XKR3: variants seen among roughly 807,000 people sequenced by gnomAD.
XKR3 encodes the protein XK related 3.
XKR3 carries 27 observed loss-of-function variants against 40.3 expected under a neutral mutation model. The ratio of observed to expected loss-of-function variants is 0.67; its 90% CI spans 0.49 to 0.92. The LOEUF is 0.92. Ranked by LOEUF, XKR3 falls within the 40% of genes least tolerant of loss-of-function variation. The pLI, the probability that XKR3 is intolerant of heterozygous loss-of-function variation, is 0.00. For synonymous variants in XKR3, 193 were observed against 195.4 expected (o/e 0.99, Z 0.10); for missense variants, 472 against 537.6 (o/e 0.88, Z 1.21).
chr22:16,791,735 AAGAG>A (rs2060117206), intron 3 of XKR3, among the ~76,000 whole-genome samples: 1 of 116,850 alleles, frequency 8.6e-6, no homozygotes, highest in Non-Finnish European at 1.7e-5. Flanking sequence ...GAGAGGGAGA[AAGAG>A]GGAGAGAGAG....
intron 2 of XKR3, among the ~76,000 whole-genome samples, chr22:16,804,626 G>C (rs2060182365): frequency 6.6e-6 from 1 of 151,996 alleles, no homozygotes; most frequent in Admixed American, 6.6e-5. Context: ...GACTTCAAAA[G>C]AACCTTGGTC....
At position 16,784,344 on chromosome 22, in the gene XKR3, T is replaced by C; in HGVS notation, c.655A>G (p.Ile219Val). 1 of 1,614,038 alleles carries C rather than the reference T, an allele frequency of 6.2e-7. No individual in the cohort carries two copies. The change falls in exon 4 of 4, where the codon ATC (isoleucine) becomes GTC (valine). Residue 219 changes from isoleucine to valine, a missense_variant. By Grantham distance (29) the Ile-to-Val change is conservative. Coordinates refer to ENST00000684488, the MANE Select transcript of XKR3 (RefSeq NM_001386955.1). Reference sequence around the variant, plus strand: ...GTAGTATCATCATTGCTGATCTGGATGGCCAGTATATTGCAGCGAATGGCC... The same window carrying C: ...GTAGTATCATCATTGCTGATCTGGACGGCCAGTATATTGCAGCGAATGGCC... ...YGAIRCNILA[I>V]QISNDDTTIK...
intron 1 of XKR3, among the ~76,000 whole-genome samples, chr22:16,819,078 A>T (rs187794570): frequency 1.3e-5 from 2 of 150,970 alleles, no homozygotes; most frequent in African/African-American, 2.4e-5. Flanking sequence ...GATATACATT[A>T]AAAAAAAACA....
intron 1 of XKR3, 125 bp from the exon 2 acceptor site, chr22:16,808,208 C>A: frequency 4.6e-6 from 3 of 651,702 alleles, no homozygotes; most frequent in Non-Finnish European, 7.5e-6. Context: ...ATATGGATCA[C>A]TAATCAGAAT....
chr22:16,820,595 G>A lies in XKR3; in HGVS notation c.-11+4696C>T, dbSNP rs2060251250. On this transcript the variant is annotated intron_variant, in intron 1 of 3. Transcript: ENST00000684488. ...TTATTAATTCACTGACTCTGTGAAG[G>A]CATGAAGGCCTGACACTTCCTAGTA... Among the ~76,000 whole-genome samples the A allele has an allele frequency of 5.9e-5, 9 of 151,586 alleles. No individual in the cohort carries two copies. The South Asian group carries it at 1.9e-3, about 32-fold the overall frequency.
intron 2 of XKR3, among the ~76,000 whole-genome samples, chr22:16,805,604 GAAATGC>G (rs1375751907): frequency 6.6e-6 from 1 of 152,038 alleles, no homozygotes; most frequent in Non-Finnish European, 1.5e-5. Context: ...GATCAGTTGG[GAAATGC>G]AAAGGACTCC....
chr22:16,820,159 G>A (rs2060249732), intron 1 of XKR3, among the ~76,000 whole-genome samples: 1 of 152,134 alleles, frequency 6.6e-6, no homozygotes, highest in South Asian at 2.1e-4. Context: ...ACTCAGTGCA[G>A]TTATCCTACA....
intron 2 of XKR3, among the ~76,000 whole-genome samples, chr22:16,804,948 C>T (rs1601846344): frequency 3.9e-5 from 6 of 152,160 alleles, no homozygotes; most frequent in Admixed American, 3.9e-4. Flanking sequence ...CAGAATAAAT[C>T]CCTTCAAAAT....
At chr22:16,811,003 C>G (rs2060210047) in intron 1 of XKR3, among the ~76,000 whole-genome samples, 1 of 152,068 alleles carries the variant, frequency 6.6e-6, no homozygotes, top group African/African-American at 2.4e-5. Context: ...CTACTAAAGC[C>G]AAAATGTAAG....
intron 1 of XKR3, among the ~76,000 whole-genome samples, chr22:16,811,348 A>G (rs1296157171): frequency 6.6e-6 from 1 of 151,524 alleles, no homozygotes; most frequent in Non-Finnish European, 1.5e-5. Flanking sequence ...CTGGTCTCGA[A>G]CTCCTGAGCT....
At chr22:16,799,518 T>C (rs1282878721) in intron 3 of XKR3, among the ~76,000 whole-genome samples, 1 of 151,428 alleles carries the variant, frequency 6.6e-6, no homozygotes, top group Non-Finnish European at 1.5e-5. Flanking sequence ...CTAAATATTA[T>C]ATCAAGCTTA....
chr22:16,785,031 T>C (rs2060083767), intron 3 of XKR3, among the ~76,000 whole-genome samples: 1 of 152,112 alleles, frequency 6.6e-6, no homozygotes, highest in Non-Finnish European at 1.5e-5. Context: ...TTAAGAAGTA[T>C]GTGTGGCCGG....
chr22:16,795,614 T>G (rs2060137190), intron 3 of XKR3, among the ~76,000 whole-genome samples: 1 of 152,022 alleles, frequency 6.6e-6, no homozygotes, highest in African/African-American at 2.4e-5. Context: ...AACCAAGAGT[T>G]GGCCTTTGAA....
chr22:16,787,039 G>A (rs1281017342), intron 3 of XKR3, among the ~76,000 whole-genome samples: 4 of 152,050 alleles, frequency 2.6e-5, no homozygotes, highest in East Asian at 1.9e-4. Flanking sequence ...GAGAACCTTA[G>A]CAAGGAGATT....
chr22:16,791,748 A>AGG (rs2060117606), intron 3 of XKR3, among the ~76,000 whole-genome samples: 7 of 131,870 alleles, frequency 5.3e-5, no homozygotes, highest in Non-Finnish European at 9.4e-5. Context: ...AGGGAGAGAG[A>AGG]GGGAGAGAGA....
At chr22:16,811,744 C>G (rs184016399) in intron 1 of XKR3, among the ~76,000 whole-genome samples, 36 of 152,250 alleles carry the variant, frequency 2.4e-4, no homozygotes, top group African/African-American at 8.7e-4. Context: ...CACGGTGGCT[C>G]ACGCCTGAAA....
chr22:16,786,186 G>C (rs1175814956), intron 3 of XKR3, among the ~76,000 whole-genome samples: 1 of 151,798 alleles, frequency 6.6e-6, no homozygotes, highest in Admixed American at 6.6e-5. Flanking sequence ...GAGGTGAATG[G>C]ATCACTAGAG....
At chr22:16,787,784 G>A (rs1601838953) in intron 3 of XKR3, among the ~76,000 whole-genome samples, 1 of 151,088 alleles carries the variant, frequency 6.6e-6, no homozygotes, top group Non-Finnish European at 1.5e-5. Flanking sequence ...AATTAAGCAG[G>A]ATAAAAAAGA....
At chr22:16,791,782 AG>A (rs2060118640) in intron 3 of XKR3, among the ~76,000 whole-genome samples, 2 of 37,538 alleles carry the variant, frequency 5.3e-5, no homozygotes, top group African/African-American at 1.0e-4. Context: ...AGAGAGGGAG[AG>A]AGAGAGAGAG....
Sources: allele counts gnomAD v4.1 joint callset (sites outside exome capture counted in the v4.1 genomes callset), GRCh38; gene constraint gnomAD v4.1.1; transcripts MANE v1.5; gene names NCBI Gene and HGNC (gene_info 2026-07-23, HGNC 2026-07-21).